The following RBFOX1 variants were observed in gnomAD, a reference collection of about 807,000 sequenced individuals.
RBFOX1 encodes RNA binding fox-1 homolog 1.
Under a neutral mutation model 57.7 loss-of-function variants are expected in RBFOX1, and 8 were observed. The ratio of observed to expected loss-of-function variants is 0.14; its 90% CI spans 0.08 to 0.25. RBFOX1 has a LOEUF of 0.25. Ranked by LOEUF, RBFOX1 falls within the 10% of genes least tolerant of loss-of-function variation. The pLI, the probability that RBFOX1 is intolerant of heterozygous loss-of-function variation, is 1.00. For missense variants in RBFOX1, 611 were observed against 548.5 expected, an observed-to-expected ratio of 1.11 and a Z score of -1.14; for synonymous variants, 326 against 222.4, an observed-to-expected ratio of 1.47 and a Z score of -4.15.
At chr16:6,484,006 G>C in intron 2 of RBFOX1, 7 of 947,422 alleles carry the variant, frequency 7.4e-6, no homozygotes, top group Non-Finnish European at 8.9e-6. Context: ...CTGGACACTT[G>C]GAGAGGGCTA....
At chr16:5,386,757 G>C (rs1236349916) in intron 1 of RBFOX1, among the ~76,000 whole-genome samples, 1 of 152,136 alleles carries the variant, frequency 6.6e-6, no homozygotes, top group African/African-American at 2.4e-5. Context: ...GTACTTCTAA[G>C]AACGTACTTT....
chr16:6,300,717 C>G (rs1049007874), intron 1 of RBFOX1, among the ~76,000 whole-genome samples: 1 of 152,198 alleles, frequency 6.6e-6, no homozygotes, highest in South Asian at 2.1e-4. Context: ...TAGCCCTACT[C>G]TTTCATTAAG....
rs544896554 is a variant in RBFOX1, at chr16:5,386,612, T to C, written c.220-80604T>C. Reference sequence around the variant, plus strand: ...TAACCCTTGTGTGACCTTACCCTTGTCCTGGAGGTCCCACTGCCTGGAATG... The same window carrying C: ...TAACCCTTGTGTGACCTTACCCTTGCCCTGGAGGTCCCACTGCCTGGAATG... On this transcript the variant is annotated intron_variant, in intron 1 of 2. Transcript: ENST00000585867. Among the ~76,000 whole-genome samples the C allele has an allele frequency of 7.7e-4, 117 of 152,296 alleles. 6 individuals are homozygous for C. The South Asian group carries it at 0.023, about 31-fold the overall frequency.
intron 1 of RBFOX1, among the ~76,000 whole-genome samples, chr16:6,230,455 C>T (rs1009699993): frequency 1.6e-4 from 24 of 152,236 alleles, no homozygotes; most frequent in African/African-American, 5.3e-4. Flanking sequence ...CAGACCACCG[C>T]GTTCTAAAAC....
At chr16:6,599,034 G>A (rs11077054) in intron 2 of RBFOX1, among the ~76,000 whole-genome samples, 56,654 of 152,026 alleles carry the variant, frequency 0.37, 12,807 homozygotes, top group Middle Eastern at 0.54. Flanking sequence ...GTCTCATAAT[G>A]TGAATAATGG....
intron 3 of RBFOX1, among the ~76,000 whole-genome samples, chr16:6,956,993 T>C (rs1165644221): frequency 3.3e-5 from 5 of 151,794 alleles, no homozygotes; most frequent in African/African-American, 1.2e-4. Flanking sequence ...CAGAGTAAAG[T>C]GAAAGCAAGT....
intron 4 of RBFOX1, among the ~76,000 whole-genome samples, chr16:5,910,907 C>T (rs1438635797): frequency 1.3e-5 from 2 of 152,178 alleles, no homozygotes; most frequent in Admixed American, 6.5e-5. Context: ...CCCTCATCCT[C>T]TGGATGGGAT....
At position 6,508,641 on chromosome 16, in the gene RBFOX1, C is replaced by G. The variant is rs187566605; in HGVS notation, c.-63-145962C>G. Among the ~76,000 whole-genome samples the G allele has an allele frequency of 1.1e-3, 163 of 152,234 alleles. 2 individuals carry two copies. The highest frequency in any genetic ancestry group is 5.8e-4 in the East Asian group (3 of 5,172). On this transcript the variant is annotated intron_variant, in intron 2 of 15. Transcript: ENST00000550418. ...GTTTCTTCTTTACTTTTCTCTTGAA[C>G]TTCTCTCTCTCCTGCTTACCGTAAA...
intron 2 of RBFOX1, among the ~76,000 whole-genome samples, chr16:6,475,929 G>A (rs1406453417): frequency 2.0e-5 from 3 of 152,124 alleles, no homozygotes; most frequent in Non-Finnish European, 4.4e-5. Flanking sequence ...GTGCATTGAG[G>A]CTTAACGTCT....
intron 4 of RBFOX1, among the ~76,000 whole-genome samples, chr16:5,996,214 G>C (rs2060487730): frequency 6.6e-6 from 1 of 152,062 alleles, no homozygotes; most frequent in Non-Finnish European, 1.5e-5. Context: ...TGCAAACAGT[G>C]GTCATTTTCC....
intron 4 of RBFOX1, among the ~76,000 whole-genome samples, chr16:5,891,899 G>A (rs1045560478): frequency 3.3e-5 from 5 of 152,292 alleles, no homozygotes; most frequent in East Asian, 3.9e-4. Flanking sequence ...CACACGTTGC[G>A]CAGGACTAAA....
chr16:7,690,131 T>C (rs1200737180), intron 14 of RBFOX1, among the ~76,000 whole-genome samples: 1 of 152,058 alleles, frequency 6.6e-6, no homozygotes, highest in Admixed American at 6.6e-5. Context: ...GGGCCACATA[T>C]TAGAGTCACC....
At chr16:7,312,480 C>G (rs974222580) in intron 4 of RBFOX1, among the ~76,000 whole-genome samples, 1 of 152,178 alleles carries the variant, frequency 6.6e-6, no homozygotes, top group Non-Finnish European at 1.5e-5. Context: ...GTTTCCATTT[C>G]TCTCAAATTA....
chr16:6,831,680 C>T (rs2092717547), intron 3 of RBFOX1, among the ~76,000 whole-genome samples: 2 of 152,034 alleles, frequency 1.3e-5, no homozygotes, highest in South Asian at 2.1e-4. Context: ...AACTTGCAAC[C>T]AGTTCTATTA....
chr16:7,528,806 G>T (rs924121055), intron 5 of RBFOX1, among the ~76,000 whole-genome samples: 1 of 152,176 alleles, frequency 6.6e-6, no homozygotes, highest in African/African-American at 2.4e-5. Flanking sequence ...TGCAATTTTT[G>T]AATTCAAGGC....
chr16:7,537,412 G>A (rs150042699), intron 5 of RBFOX1, among the ~76,000 whole-genome samples: 1 of 152,204 alleles, frequency 6.6e-6, no homozygotes, highest in African/African-American at 2.4e-5. Flanking sequence ...TTACAGTGAG[G>A]AAACTGAGGC....
chr16:6,529,912 A>T (rs748344605), intron 2 of RBFOX1, among the ~76,000 whole-genome samples: 10 of 152,158 alleles, frequency 6.6e-5, no homozygotes, highest in Non-Finnish European at 1.5e-4. Context: ...CACTGCTCCC[A>T]AATTCAGAAT....
At chr16:6,685,228 C>T (rs1217140517) in intron 3 of RBFOX1, among the ~76,000 whole-genome samples, 1 of 150,042 alleles carries the variant, frequency 6.7e-6, no homozygotes, top group Non-Finnish European at 1.5e-5. Flanking sequence ...ATTACACTGG[C>T]AATAAATGAC....
intron 14 of RBFOX1, among the ~76,000 whole-genome samples, chr16:7,707,893 G>C (rs1205901674): frequency 2.0e-5 from 3 of 152,122 alleles, no homozygotes; most frequent in Admixed American, 2.0e-4. Context: ...CACTTGCACA[G>C]GAATCTATTC....
Sources: gnomAD v4.1 joint callset for allele counts (sites outside exome capture counted in the v4.1 genomes callset) on GRCh38, gnomAD v4.1.1 for gene constraint, MANE v1.5 for transcripts, NCBI Gene and HGNC (gene_info 2026-07-23, HGNC 2026-07-21) for gene names.